EPHA6: variants seen among roughly 807,000 people sequenced by gnomAD.
EPHA6 encodes the protein EPH receptor A6, also known as ephrin type-A receptor 6.
In EPHA6, 50 loss-of-function variants were observed where a neutral mutation model predicts 112.0. The ratio of observed to expected loss-of-function variants is 0.45; its 90% CI spans 0.36 to 0.56. The LOEUF (loss-of-function observed/expected upper bound fraction) is 0.56, where lower values mean the gene tolerates loss of function less well. EPHA6 is among the 20% of genes least tolerant of loss of function. EPHA6 has a pLI of 0.00. For missense variants in EPHA6, 1,280 were observed against 1,417.4 expected, an observed-to-expected ratio of 0.90 and a Z score of 1.56; for synonymous variants, 529 against 490.7, an observed-to-expected ratio of 1.08 and a Z score of -1.03.
intron 11 of EPHA6, among the ~76,000 whole-genome samples, chr3:97,581,130 A>G (rs2093433805): frequency 6.6e-6 from 1 of 152,176 alleles, no homozygotes. Context: ...TTAAATACAT[A>G]AATGAGAAGG....
chr3:97,572,262 C>A (rs1034073271), intron 11 of EPHA6, among the ~76,000 whole-genome samples: 4 of 151,380 alleles, frequency 2.6e-5, no homozygotes, highest in African/African-American at 9.7e-5. Flanking sequence ...GCCATTCTCC[C>A]GCCTCAGCCT....
chr3:97,069,612 T>C (rs1038294804), intron 3 of EPHA6, among the ~76,000 whole-genome samples: 1 of 152,122 alleles, frequency 6.6e-6, no homozygotes, highest in Non-Finnish European at 1.5e-5. Context: ...AATAATTCCA[T>C]TGAAAGATTC....
chr3:97,640,173 G>C (rs933096898), intron 14 of EPHA6, among the ~76,000 whole-genome samples: 3 of 152,098 alleles, frequency 2.0e-5, no homozygotes, highest in African/African-American at 7.2e-5. Context: ...GCTGAAGAAG[G>C]CGTCACAAAA....
chr3:97,255,084 A>C (rs2079264148), intron 5 of EPHA6, among the ~76,000 whole-genome samples: 1 of 151,930 alleles, frequency 6.6e-6, no homozygotes, highest in Non-Finnish European at 1.5e-5. Context: ...CAAATCTTTA[A>C]GGGGTCACAA....
chr3:97,651,766 G>A (rs963654287), intron 14 of EPHA6, among the ~76,000 whole-genome samples: 3 of 151,990 alleles, frequency 2.0e-5, no homozygotes, highest in Non-Finnish European at 2.9e-5. Context: ...CAAGCAGAGA[G>A]TAAAATGTCA....
At chr3:97,023,789 G>T (rs2044544726) in intron 3 of EPHA6, among the ~76,000 whole-genome samples, 1 of 151,806 alleles carries the variant, frequency 6.6e-6, no homozygotes, top group Non-Finnish European at 1.5e-5. Context: ...ATTCAATTAT[G>T]CATAAAGACA....
rs189585531 is a variant in EPHA6, at chr3:97,251,767, A to C, written c.1606+7480A>C. Among the ~76,000 whole-genome samples the C allele has an allele frequency of 9.2e-5, 14 of 152,296 alleles. No homozygotes were observed. In the East Asian group the frequency reaches 2.3e-3, roughly 25 times the overall value. On this transcript the variant is annotated intron_variant, in intron 5 of 17. Coordinates refer to ENST00000389672, the MANE Select transcript of EPHA6 (RefSeq NM_001080448.3). ...GATTCTAAAACAGTCAGTCGTCTAC[A>C]TAAATAATTTATGATGTCCAGTGAA...
intron 10 of EPHA6, among the ~76,000 whole-genome samples, chr3:97,486,364 G>A (rs751222072): frequency 5.9e-5 from 9 of 152,082 alleles, no homozygotes; most frequent in Non-Finnish European, 1.2e-4. Flanking sequence ...CCTAACTTGC[G>A]CCCCTGGCCG....
intron 3 of EPHA6, among the ~76,000 whole-genome samples, chr3:97,088,198 T>C (rs777878175): frequency 1.8e-4 from 27 of 152,066 alleles, no homozygotes; most frequent in Middle Eastern, 3.4e-3. Flanking sequence ...ATTAATTAAT[T>C]AACTCAATTG....
intron 14 of EPHA6, among the ~76,000 whole-genome samples, chr3:97,701,636 TATC>T (rs1330297874): frequency 2.6e-5 from 4 of 151,498 alleles, no homozygotes; most frequent in South Asian, 2.1e-4. Context: ...ATATATATAA[TATC>T]ATTTCAAATA....
intron 3 of EPHA6, among the ~76,000 whole-genome samples, chr3:96,999,173 A>G (rs1161309148): frequency 6.6e-6 from 1 of 151,870 alleles, no homozygotes; most frequent in Non-Finnish European, 1.5e-5. Flanking sequence ...TAGTAGGCTG[A>G]CTTTCTGGAA....
chr3:96,987,326 G>GCCAT lies in EPHA6; in HGVS notation c.451-3_451-2insCATC. 6.4e-7 allele frequency: 1 copy of GCCAT among 1,565,158 alleles called. No individual in the cohort carries two copies. Among genetic ancestry groups the GCCAT allele is most frequent in the Non-Finnish European group, 8.7e-7 (1 of 1,152,854 alleles). On this transcript the variant is annotated splice_polypyrimidine_tract_variant and splice_region_variant and intron_variant, in intron 2 of 17. Transcript: ENST00000389672. Reference sequence around the variant, plus strand: ...CACTTAATTACTTTTTTCCCTTTTTGCAGTGGGATGCCATCACTGAAATGG... The same window carrying GCCAT: ...CACTTAATTACTTTTTTCCCTTTTTGCCATCAGTGGGATGCCATCACTGAAATGG...
chr3:97,202,021 T>A (rs1327785264), intron 3 of EPHA6, among the ~76,000 whole-genome samples: 1 of 152,086 alleles, frequency 6.6e-6, no homozygotes, highest in Non-Finnish European at 1.5e-5. Context: ...TGTTTTTACA[T>A]CTGAGGGTTC....
chr3:97,148,168 A>G (rs1314056293), intron 3 of EPHA6, among the ~76,000 whole-genome samples: 1 of 152,112 alleles, frequency 6.6e-6, no homozygotes, highest in African/African-American at 2.4e-5. Context: ...TGTACTTCAT[A>G]TCTTTAAAAT....
chr3:97,634,600 C>T (rs529286341), intron 13 of EPHA6, among the ~76,000 whole-genome samples: 4 of 152,118 alleles, frequency 2.6e-5, no homozygotes, highest in South Asian at 2.1e-4. Context: ...AGCCCTTAAC[C>T]GAATCACTCC....
intron 3 of EPHA6, among the ~76,000 whole-genome samples, chr3:97,192,669 A>G (rs2077338332): frequency 1.3e-5 from 2 of 151,992 alleles, no homozygotes; most frequent in Admixed American, 1.3e-4. Context: ...AGTTGTCTGT[A>G]CTTATGGGGT....
intron 3 of EPHA6, among the ~76,000 whole-genome samples, chr3:97,209,105 C>A (rs2077795596): frequency 6.6e-6 from 1 of 152,060 alleles, no homozygotes; most frequent in Admixed American, 6.6e-5. Flanking sequence ...GCTTTGTCTG[C>A]AGTATTGTTC....
chr3:97,215,532 A>T (rs2078008698), intron 3 of EPHA6, among the ~76,000 whole-genome samples: 1 of 151,486 alleles, frequency 6.6e-6, no homozygotes, highest in Admixed American at 6.6e-5. Flanking sequence ...AATTGCTTGA[A>T]CCCGGGAGGC....
chr3:97,571,853 C>T (rs1345564462), intron 11 of EPHA6, among the ~76,000 whole-genome samples: 1 of 152,170 alleles, frequency 6.6e-6, no homozygotes, highest in East Asian at 1.9e-4. Flanking sequence ...TTATAAACAT[C>T]AAGGTCAATG....
Sources: gnomAD v4.1 joint callset for allele counts (sites outside exome capture counted in the v4.1 genomes callset) on GRCh38, gnomAD v4.1.1 for gene constraint, MANE v1.5 for transcripts, NCBI Gene and HGNC (gene_info 2026-07-23, HGNC 2026-07-21) for gene names.